NBR1: variants seen among roughly 807,000 people sequenced by gnomAD.
NBR1 encodes next to BRCA1 gene 1 protein.
NBR1 carries 59 observed loss-of-function variants against 115.5 expected under a neutral mutation model. The ratio of observed to expected loss-of-function variants is 0.51; its 90% confidence interval spans 0.41 to 0.63. The LOEUF is 0.63. Ranked by LOEUF, NBR1 falls within the 30% of genes least tolerant of loss-of-function variation. The pLI is 0.00. For missense variants in NBR1, 1,043 were observed against 1,150.5 expected (o/e 0.91, Z 1.35); for synonymous variants, 373 against 414.7 (o/e 0.90, Z 1.22).
Position 43,194,378 on chromosome 17 carries a change from G to C in NBR1, c.1553G>C (p.Arg518Thr). ...ACTTTTCTTCTGGCTAAAGAAGAAA[G>C]ACAGCTTGGTGAAGTGACTGAGCAG... ...EETFLLAKEE[R>T]QLGEVTEQTE... Residue 518 changes from arginine (R) to threonine (T), a missense_variant, in exon 13 of 21, where the codon AGA (arginine) becomes ACA (threonine). By Grantham distance (71) the Arg-to-Thr change is moderately conservative. Transcript: ENST00000590996. The C allele has an allele frequency of 6.2e-7, 1 of 1,613,736 alleles. No homozygotes were observed. Among genetic ancestry groups the C allele is most frequent in the Non-Finnish European group, 8.5e-7 (1 of 1,179,796 alleles).
Position 43,189,080 on chromosome 17 carries a change from A to C in NBR1, c.441A>C (p.Gln147His), listed in dbSNP as rs768466680. 1.3e-5 allele frequency: 21 copies of C among 1,613,566 alleles called. No individual in the cohort carries two copies. The highest frequency in any genetic ancestry group is 1.6e-5 in the Non-Finnish European group (19 of 1,179,592). The change falls in exon 7 of 21, where the codon CAA (glutamine) becomes CAC (histidine). Residue 147 changes from glutamine to histidine, a missense_variant. Coordinates refer to ENST00000590996, the MANE Select transcript of NBR1 (RefSeq NM_005899.5). ...TTCCATGTGACACAGACCAGCCTCA[A>C]GACAAGCCCCCAGACTGGTTCACAA... is the stretch of plus-strand genomic sequence containing the variant. ...PLVPCDTDQP[Q>H]DKPPDWFTSY...
chr17:43,172,554 A>C (rs544363828), intron 1 of NBR1, among the ~76,000 whole-genome samples: 1 of 152,308 alleles, frequency 6.6e-6, no homozygotes, highest in South Asian at 2.1e-4. Flanking sequence ...TGGGGAATTG[A>C]CAAAGATTCT....
chr17:43,194,131 A>G (rs1033778243), intron 12 of NBR1, among the ~76,000 whole-genome samples: 6 of 152,202 alleles, frequency 3.9e-5, no homozygotes, highest in African/African-American at 1.4e-4. Flanking sequence ...GGTTTTGACT[A>G]TTATAGTTAA....
rs180728496 is a variant in NBR1 at position 43,197,704 on chromosome 17, G to A, written c.2026+598G>A. Among the ~76,000 whole-genome samples the A allele has an allele frequency of 1.8e-4, 27 of 152,264 alleles. No individual in the cohort carries two copies. In the East Asian group the frequency reaches 2.9e-3, roughly 16 times the overall value. ...CCAGTTGTGCTGCCTGGATTCTGCA[G>A]TAAGGAATCTTCCTGTAATTTGACA... is the stretch of plus-strand genomic sequence containing the variant. On this transcript the variant is annotated intron_variant, in intron 16 of 20. Transcript: ENST00000590996.
chr17:43,197,648 A>G lies in NBR1; in HGVS notation c.2026+542A>G, dbSNP rs531380327. Among the ~76,000 whole-genome samples, 3 of 152,342 alleles carry G rather than the reference A, an allele frequency of 2.0e-5. No homozygotes were observed. In the South Asian group the frequency reaches 6.2e-4, roughly 32 times the overall value. On this transcript the variant is annotated intron_variant, in intron 16 of 20. Transcript: ENST00000590996. ...ATTTCTCCATCTTCTCAGGGGCAGA[A>G]TTACAGCTGCATTCCACAGTGGAAT... is the stretch of plus-strand genomic sequence containing the variant.
At chr17:43,186,473 A>C in intron 6 of NBR1, 29 bp downstream of exon 6, 1 of 1,432,256 alleles carries the variant, frequency 7.0e-7, no homozygotes, top group Non-Finnish European at 9.2e-7. Context: ...AGTCTATCCA[A>C]TATCGTTTCT....
rs2057256451 is a variant in NBR1, at chr17:43,203,798, T to C, written c.2727+12T>C. 1 of 1,517,956 alleles carries C rather than the reference T, an allele frequency of 6.6e-7. No individual in the cohort carries two copies. The highest frequency in any genetic ancestry group is 9.0e-7 in the Non-Finnish European group (1 of 1,114,012). 94.0% of individuals were successfully genotyped at this position (1,517,956 alleles called of 1,614,324 possible). On this transcript the variant is annotated intron_variant, in intron 20 of 20. Transcript: ENST00000590996. ...CAGTCACTGCACAGGTCAGTGTGTG[T>C]GTTTTATTTTCCTGAATCTCAACTC...
In NBR1 at chr17:43,200,202, GAGA is replaced by G. The variant is rs767761913; in HGVS notation, c.2065_2067del (p.Lys689del). The G allele has an allele frequency of 2.8e-5, 43 of 1,550,454 alleles. No homozygotes were observed. Among genetic ancestry groups the G allele is most frequent in the Non-Finnish European group, 3.8e-5 (43 of 1,145,956 alleles). On this transcript the variant is annotated inframe_deletion, in exon 17 of 21. Transcript: ENST00000590996. ...CTTGCCTGAAGGACCACTTGGAAAT[GAGA>G]AGGAGGAGATTATCCATATCGCTGA...
In NBR1 at chr17:43,210,233, G is replaced by T. The variant is rs2057394686; in HGVS notation, c.*159G>T. 1 of 567,852 alleles carries T rather than the reference G, an allele frequency of 1.8e-6. No individual in the cohort carries two copies. The highest frequency in any genetic ancestry group is 4.1e-5 in the Admixed American group (1 of 24,166). 35.2% of individuals were successfully genotyped at this position (567,852 alleles called of 1,614,324 possible). A position where few individuals can be genotyped will look rare whatever the true frequency, so the allele number is the denominator to read the frequency against. On this transcript the variant is annotated 3_prime_UTR_variant, in exon 21 of 21. Coordinates refer to ENST00000590996, the MANE Select transcript of NBR1 (RefSeq NM_005899.5). The stretch of plus-strand genomic sequence containing the variant: ...ACAATACCTGCTACAGTATTTTGGG[G>T]AGCAAACTAAAGACCAGAACTTAAA...
intron 10 of NBR1, among the ~76,000 whole-genome samples, chr17:43,192,336 A>G (rs2056968134): frequency 6.8e-6 from 1 of 146,918 alleles, no homozygotes; most frequent in Non-Finnish European, 1.5e-5. Flanking sequence ...TGGTCTTAGT[A>G]TTATTAAAGG....
In NBR1 at chr17:43,193,525, C is replaced by T. The variant is rs772151519; in HGVS notation, c.1411C>T (p.Arg471Trp). Reference sequence around the variant, plus strand: ...TCACAAAGGCCAGCAATTTGGGCCTCGGGTCTGGTGCAGTATCATAGTAGA... The same window carrying T: ...TCACAAAGGCCAGCAATTTGGGCCTTGGGTCTGGTGCAGTATCATAGTAGA... ...LSHKGQQFGP[R>W]VWCSIIVDPF... is the part of the protein sequence containing the mutation. The change falls in exon 12 of 21, where the codon CGG becomes TGG. Residue 471 changes from arginine (R) to tryptophan (W), a missense_variant. By Grantham distance (101) the Arg-to-Trp change is moderately radical. Coordinates refer to ENST00000590996, the MANE Select transcript of NBR1 (RefSeq NM_005899.5). 29 of 1,613,448 alleles carry T rather than the reference C, an allele frequency of 1.8e-5. No individual in the cohort carries two copies. The highest frequency in any genetic ancestry group is 1.3e-4 in the South Asian group (12 of 91,004).
chr17:43,179,444 T>C (rs981732764), intron 4 of NBR1, 32 bp downstream of exon 4: 1 of 1,596,062 alleles, frequency 6.3e-7, no homozygotes, highest in East Asian at 2.2e-5. Flanking sequence ...TTCAGCCTTG[T>C]TTAAAAACCT....
intron 16 of NBR1, among the ~76,000 whole-genome samples, chr17:43,199,774 C>T (rs1021356213): frequency 6.6e-6 from 1 of 152,152 alleles, no homozygotes; most frequent in African/African-American, 2.4e-5. Context: ...AGGAGATAGA[C>T]ATATAATCCT....
At chr17:43,181,621 G>T (rs997640218) in intron 5 of NBR1, among the ~76,000 whole-genome samples, 1 of 151,858 alleles carries the variant, frequency 6.6e-6, no homozygotes, top group Non-Finnish European at 1.5e-5. Flanking sequence ...AGCCGAGATC[G>T]TGCCACTGCA....
At chr17:43,204,092 T>C (rs1467454275) in intron 20 of NBR1, among the ~76,000 whole-genome samples, 2 of 151,896 alleles carry the variant, frequency 1.3e-5, no homozygotes, top group Non-Finnish European at 2.9e-5. Context: ...CGCCTGCCAC[T>C]ACACCCGGCT....
Position 43,210,791 on chromosome 17 carries a change from T to C in NBR1, c.*717T>C. On this transcript the variant is annotated 3_prime_UTR_variant, in exon 21 of 21. Transcript: ENST00000590996. Reference sequence around the variant, plus strand: ...ATTATAGTAATTTTGCATACATTTTTATTTAAGGGAAAAAATATAGGTATT... The same window carrying C: ...ATTATAGTAATTTTGCATACATTTTCATTTAAGGGAAAAAATATAGGTATT... 1 of 398,506 alleles carries C rather than the reference T, an allele frequency of 2.5e-6. No individual in the cohort carries two copies. The highest frequency in any genetic ancestry group is 2.1e-5 in the African/African-American group (1 of 48,748). 24.7% of individuals were successfully genotyped at this position (398,506 alleles called of 1,614,324 possible). A position where few individuals can be genotyped will look rare whatever the true frequency, so the allele number is the denominator to read the frequency against.
chr17:43,175,118 A>T (rs1186451994), intron 1 of NBR1, among the ~76,000 whole-genome samples: 1 of 152,084 alleles, frequency 6.6e-6, no homozygotes, highest in Non-Finnish European at 1.5e-5. Context: ...ATAAATAAAT[A>T]AAATAAAATA....
Position 43,191,446 on chromosome 17 carries a change from A to G in NBR1, c.938A>G (p.Lys313Arg). The G allele has an allele frequency of 6.2e-7, 1 of 1,613,460 alleles. No individual in the cohort carries two copies. The highest frequency in any genetic ancestry group is 8.5e-7 in the Non-Finnish European group (1 of 1,179,652). Residue 313 changes from lysine to arginine, a missense_variant, in exon 10 of 21, where the codon AAA becomes AGA. Transcript: ENST00000590996. ...QRLRAEKKQRKAEVKELKKQL... is the reference protein window; with the variant it reads ...QRLRAEKKQRRAEVKELKKQL... The stretch of plus-strand genomic sequence containing the variant: ...TTGCGAGCTGAGAAGAAACAACGTA[A>G]AGCAGAGGTCAAGGAACTTAAAAAG...
intron 8 of NBR1, 185 bp from the exon 9 acceptor site, chr17:43,190,424 T>A: frequency 1.3e-5 from 8 of 615,694 alleles, no homozygotes; most frequent in Non-Finnish European, 2.3e-5. Context: ...TTAAAATGGA[T>A]ATGGGTTAAG....
Sources: gnomAD v4.1 joint callset for allele counts (sites outside exome capture counted in the v4.1 genomes callset) on GRCh38, gnomAD v4.1.1 for gene constraint, MANE v1.5 for transcripts, NCBI Gene and HGNC (gene_info 2026-07-23, HGNC 2026-07-21) for gene names.